Variants in MTUS2 observed in about 807,000 individuals in gnomAD.
The protein encoded by MTUS2 is microtubule-associated tumor suppressor candidate 2.
In MTUS2, 40 loss-of-function variants were observed where a neutral mutation model predicts 114.1. That is an observed-to-expected ratio of 0.35 (90% CI 0.27 to 0.46). The LOEUF is 0.46. Among genes scored for constraint, MTUS2 ranks in the 20% least tolerant of loss-of-function variants. The pLI is 1.00. For synonymous variants in MTUS2, 688 were observed against 672.0 expected (o/e 1.02, Z -0.37); for missense variants, 1,679 against 1,705.4 (o/e 0.98, Z 0.27).
chr13:29,213,199 CTTA>C (rs1258918097), intron 5 of MTUS2, among the ~76,000 whole-genome samples: 1 of 152,182 alleles, frequency 6.6e-6, no homozygotes, highest in Admixed American at 6.5e-5. Flanking sequence ...ATATATGTTT[CTTA>C]TTATGTCACA....
chr13:28,923,648 G>T (rs530909047), intron 2 of MTUS2, among the ~76,000 whole-genome samples: 1 of 152,278 alleles, frequency 6.6e-6, no homozygotes, highest in South Asian at 2.1e-4. Flanking sequence ...GGCTTTCTGT[G>T]TCCAGCTGCT....
At chr13:28,855,558 G>A (rs1356709657) in intron 2 of MTUS2, among the ~76,000 whole-genome samples, 1 of 152,120 alleles carries the variant, frequency 6.6e-6, no homozygotes, top group African/African-American at 2.4e-5. Flanking sequence ...GTTTTCTGAG[G>A]ATAATGGCTT....
chr13:29,394,882 C>T (rs890194912), intron 8 of MTUS2, among the ~76,000 whole-genome samples: 2 of 152,112 alleles, frequency 1.3e-5, no homozygotes, highest in Non-Finnish European at 2.9e-5. Flanking sequence ...AATCTAATGC[C>T]TGATGATCTA....
At chr13:29,500,808 C>CACACACACACAA (rs1882842952) in intron 14 of MTUS2, among the ~76,000 whole-genome samples, 1 of 151,608 alleles carries the variant, frequency 6.6e-6, no homozygotes, top group Non-Finnish European at 1.5e-5. Flanking sequence ...CACACACACA[C>CACACACACACAA]ACACACACAC....
chr13:29,209,291 C>T (rs535135970), intron 5 of MTUS2, among the ~76,000 whole-genome samples: 1 of 152,104 alleles, frequency 6.6e-6, no homozygotes, highest in Non-Finnish European at 1.5e-5. Context: ...TTTTCCACCC[C>T]CTACCTTAAG....
intron 4 of MTUS2, among the ~76,000 whole-genome samples, chr13:29,061,191 A>G (rs1199671476): frequency 1.3e-5 from 2 of 152,190 alleles, no homozygotes; most frequent in African/African-American, 4.8e-5. Context: ...AAGATTATTG[A>G]ACTCATTCTG....
intron 2 of MTUS2, among the ~76,000 whole-genome samples, chr13:28,925,246 T>C (rs1345461637): frequency 6.6e-6 from 1 of 152,082 alleles, no homozygotes; most frequent in Non-Finnish European, 1.5e-5. Flanking sequence ...AATTTAAGTT[T>C]ACTTAAAGAA....
chr13:29,078,331 T>C (rs916270697), intron 4 of MTUS2, among the ~76,000 whole-genome samples: 1 of 152,192 alleles, frequency 6.6e-6, no homozygotes, highest in African/African-American at 2.4e-5. Context: ...GGAGTGTTTT[T>C]GTAGAGGACA....
intron 5 of MTUS2, among the ~76,000 whole-genome samples, chr13:29,136,134 A>C (rs1891967889): frequency 6.6e-6 from 1 of 152,174 alleles, no homozygotes; most frequent in Non-Finnish European, 1.5e-5. Flanking sequence ...GCTTCAAGTT[A>C]CTGTCTAATG....
chr13:29,230,283 A>G (rs961191595), intron 5 of MTUS2, among the ~76,000 whole-genome samples: 2 of 152,190 alleles, frequency 1.3e-5, no homozygotes, highest in African/African-American at 4.8e-5. Context: ...AAAAATAAAA[A>G]TTACCAGGCA....
chr13:29,236,539 G>T (rs79662865), intron 5 of MTUS2, among the ~76,000 whole-genome samples: 2 of 152,368 alleles, frequency 1.3e-5, no homozygotes, highest in East Asian at 3.9e-4. Context: ...CAACCATGCA[G>T]ACTCTTCTAT....
chr13:29,242,685 C>G (rs549283053), intron 5 of MTUS2: 1 of 152,330 alleles, frequency 6.6e-6, no homozygotes, highest in South Asian at 2.1e-4. Flanking sequence ...TCTTGAGCAC[C>G]TTTGTGCTGG....
At chr13:28,940,257 T>G (rs1593316984) in intron 2 of MTUS2, among the ~76,000 whole-genome samples, 1 of 150,904 alleles carries the variant, frequency 6.6e-6, no homozygotes, top group Non-Finnish European at 1.5e-5. Context: ...AACTGTGTTG[T>G]GTACATATGA....
chr13:28,940,166 A>C (rs778252915), intron 2 of MTUS2, among the ~76,000 whole-genome samples: 3 of 152,218 alleles, frequency 2.0e-5, no homozygotes, highest in Non-Finnish European at 4.4e-5. Flanking sequence ...ATGTTTGTGC[A>C]GTCATGTTCA....
intron 5 of MTUS2, among the ~76,000 whole-genome samples, chr13:29,181,764 G>A (rs185428245): frequency 4.0e-5 from 6 of 149,536 alleles, no homozygotes; most frequent in South Asian, 2.2e-4. Flanking sequence ...AGCTTTTTCA[G>A]AAATCATTAT....
Position 29,011,385 on chromosome 13 carries a change from C to A in MTUS2, c.-242-13072C>A, listed in dbSNP as rs188706506. 3.3e-5 allele frequency among the ~76,000 whole-genome samples: 5 copies of A among 152,298 alleles called. No individual in the cohort carries two copies. The East Asian group carries it at 9.6e-4, about 29-fold the overall frequency. ...CCCCCCTTGCATTATAGATTGGGTG[C>A]TATTCAAACGCACATCAACATGCTA... On this transcript the variant is annotated intron_variant, in intron 2 of 15. Transcript: ENST00000612955.
At chr13:29,130,373 C>A (rs1467520570) in intron 5 of MTUS2, among the ~76,000 whole-genome samples, 1 of 152,166 alleles carries the variant, frequency 6.6e-6, no homozygotes, top group Non-Finnish European at 1.5e-5. Flanking sequence ...AGCCTCCTCG[C>A]TCTTCCTTCT....
At chr13:29,268,750 C>CTCTCTGTG (rs1431309219) in intron 5 of MTUS2, among the ~76,000 whole-genome samples, 1 of 152,094 alleles carries the variant, frequency 6.6e-6, no homozygotes, top group African/African-American at 2.4e-5. Flanking sequence ...GAGGCAGGGT[C>CTCTCTGTG]TCTCTGTGTT....
chr13:29,498,833 G>A (rs1299335040), intron 14 of MTUS2, among the ~76,000 whole-genome samples: 1 of 152,164 alleles, frequency 6.6e-6, no homozygotes, highest in Non-Finnish European at 1.5e-5. Flanking sequence ...GACGTGTGGG[G>A]ACCCAGCACA....
Sources: allele counts gnomAD v4.1 joint callset (sites outside exome capture counted in the v4.1 genomes callset), GRCh38; gene constraint gnomAD v4.1.1; transcripts MANE v1.5; gene names NCBI Gene and HGNC (gene_info 2026-07-23, HGNC 2026-07-21).